The following SP4 variants were observed in gnomAD, a reference collection of about 807,000 sequenced individuals.
SP4 encodes Sp4 transcription factor, also known as transcription factor Sp4.
In SP4, 19 loss-of-function variants were observed where a neutral mutation model predicts 72.8. The ratio of observed to expected loss-of-function variants is 0.26; its 90% confidence interval spans 0.18 to 0.38. SP4 has a LOEUF of 0.38. SP4 is among the 10% of genes least tolerant of loss of function. The pLI is 1.00. For missense variants in SP4, 1,008 were observed against 926.3 expected, an observed-to-expected ratio of 1.09 and a Z score of -1.14; for synonymous variants, 395 against 333.1, an observed-to-expected ratio of 1.19 and a Z score of -2.02.
At chr7:21,499,455 A>G (rs1242510080) in intron 5 of SP4, among the ~76,000 whole-genome samples, 1 of 152,190 alleles carries the variant, frequency 6.6e-6, no homozygotes, top group Non-Finnish European at 1.5e-5. Flanking sequence ...ACAGGGGAAA[A>G]GTCCAGGCAA....
chr7:21,494,497 A>AT (rs1172426802), intron 5 of SP4, among the ~76,000 whole-genome samples: 2 of 152,224 alleles, frequency 1.3e-5, no homozygotes, highest in African/African-American at 4.8e-5. Flanking sequence ...GAATAACGGG[A>AT]TATAAGTAGT....
intron 4 of SP4, among the ~76,000 whole-genome samples, chr7:21,478,477 C>CAT (rs1784581176): frequency 6.7e-6 from 1 of 149,540 alleles, no homozygotes; most frequent in South Asian, 2.2e-4. Context: ...TACCATTTAA[C>CAT]ATTTCCATCA....
intron 3 of SP4, among the ~76,000 whole-genome samples, chr7:21,468,336 C>T (rs368655665): frequency 8.7e-4 from 132 of 152,184 alleles, no homozygotes; most frequent in Middle Eastern, 3.4e-3. Context: ...CATTCACTTC[C>T]TAGAATAATT....
intron 3 of SP4, among the ~76,000 whole-genome samples, chr7:21,455,036 G>A (rs1395150463): frequency 2.0e-5 from 3 of 152,150 alleles, no homozygotes; most frequent in African/African-American, 7.2e-5. Context: ...GCTTTGTACT[G>A]TTGATGGCAA....
intron 5 of SP4, among the ~76,000 whole-genome samples, chr7:21,491,540 T>C (rs1384558502): frequency 1.3e-5 from 2 of 152,136 alleles, no homozygotes; most frequent in East Asian, 1.9e-4. Flanking sequence ...TTAGGTATAA[T>C]AGGTTCAGGA....
At chr7:21,462,974 A>ATTAAAAAC (rs949612332) in intron 3 of SP4, among the ~76,000 whole-genome samples, 35 of 152,352 alleles carry the variant, frequency 2.3e-4, no homozygotes, top group Admixed American at 4.6e-4. Context: ...ATTAATTAAA[A>ATTAAAAAC]TTAAAAACTT....
intron 3 of SP4, among the ~76,000 whole-genome samples, chr7:21,460,095 A>G (rs1176813507): frequency 6.7e-6 from 1 of 149,394 alleles, no homozygotes; most frequent in Non-Finnish European, 1.5e-5. Context: ...TTCTTTGAGA[A>G]AAGGAGAGCC....
chr7:21,434,159 G>C (rs1782969296), intron 3 of SP4, among the ~76,000 whole-genome samples: 1 of 152,008 alleles, frequency 6.6e-6, no homozygotes. Flanking sequence ...TTAATTTGTG[G>C]GGAAAATTTT....
chr7:21,442,590 G>A (rs1783296246), intron 3 of SP4, among the ~76,000 whole-genome samples: 2 of 152,100 alleles, frequency 1.3e-5, no homozygotes. Context: ...TGCTTGTAGG[G>A]TTCTGGGAAT....
rs369579709 is a variant in SP4, at chr7:21,479,074, A to G, written c.1907+1767A>G. The stretch of plus-strand genomic sequence containing the variant: ...AAGAGCGAAACTCCATCTCAAAAAA[A>G]AAAAAAGAAAGAAAAAAGAAAAATA... On this transcript the variant is annotated intron_variant, in intron 4 of 5. Transcript: ENST00000222584. Among the ~76,000 whole-genome samples, 10 of 151,692 alleles carry G rather than the reference A, an allele frequency of 6.6e-5. No individual in the cohort carries two copies. The East Asian group carries it at 1.2e-3, about 18-fold the overall frequency.
In SP4 at chr7:21,430,736, C is replaced by G; in HGVS notation, c.1571C>G (p.Thr524Ser). The change falls in exon 3 of 6, where the codon ACT becomes AGT. Residue 524 changes from threonine (T) to serine (S), a missense_variant. Thr to Ser is a moderately conservative substitution (Grantham distance 58). This residue lies in a region of SP4 where 893 missense variants were observed against 743.3 expected (regional missense o/e 1.20). Coordinates refer to ENST00000222584, the MANE Select transcript of SP4 (RefSeq NM_003112.5). Reference sequence around the variant, plus strand: ...GCTGGTGCCCCAATAACTTTGAATACTGCCCAGCTTGCATCAGTGCCTAAC... The same window carrying G: ...GCTGGTGCCCCAATAACTTTGAATAGTGCCCAGCTTGCATCAGTGCCTAAC... ...AVAGAPITLN[T>S]AQLASVPNLQ... 1 of 1,614,210 alleles carries G rather than the reference C, an allele frequency of 6.2e-7. No individual in the cohort carries two copies. The highest frequency in any genetic ancestry group is 8.5e-7 in the Non-Finnish European group (1 of 1,180,030).
chr7:21,462,531 A>G (rs757448664), intron 3 of SP4, among the ~76,000 whole-genome samples: 11 of 152,220 alleles, frequency 7.2e-5, no homozygotes, highest in Non-Finnish European at 1.2e-4. Context: ...ATATTTGTTA[A>G]TAAGTCTGAG....
intron 3 of SP4, among the ~76,000 whole-genome samples, chr7:21,449,006 A>T (rs765264816): frequency 2.4e-4 from 37 of 152,216 alleles, no homozygotes; most frequent in Middle Eastern, 6.8e-3. Flanking sequence ...CCTAAAGACA[A>T]TTCTCCTGCA....
chr7:21,441,392 C>T (rs1783240942), intron 3 of SP4, among the ~76,000 whole-genome samples: 1 of 152,162 alleles, frequency 6.6e-6, no homozygotes, highest in South Asian at 2.1e-4. Flanking sequence ...TTAGTGGTCT[C>T]ACAGAGTAGC....
chr7:21,508,429 C>T (rs557584037), intron 5 of SP4, among the ~76,000 whole-genome samples: 3 of 152,122 alleles, frequency 2.0e-5, no homozygotes, highest in Admixed American at 6.5e-5. Flanking sequence ...CTGGTTCAAG[C>T]GATTCTCCTG....
At chr7:21,461,383 G>A (rs1367868696) in intron 3 of SP4, among the ~76,000 whole-genome samples, 9 of 152,332 alleles carry the variant, frequency 5.9e-5, no homozygotes, top group East Asian at 5.8e-4. Flanking sequence ...CCTGCCTCGC[G>A]GGGAGGCAGC....
At chr7:21,496,720 A>T (rs1016355361) in intron 5 of SP4, among the ~76,000 whole-genome samples, 10 of 151,828 alleles carry the variant, frequency 6.6e-5, no homozygotes, top group Non-Finnish European at 1.5e-4. Context: ...CCTATTTTTC[A>T]AATATTCTTT....
At position 21,430,789 on chromosome 7, in the gene SP4, G is replaced by T; in HGVS notation, c.1624G>T (p.Gly542Cys). ...NLQTVSVANL[G>C]AAGVQVQGVP... is the part of the protein sequence containing the mutation. ...TCAGACAGTGAGCGTTGCCAACCTG[G>T]GTGCTGCAGGTGTTCAAGTGCAGGG... Residue 542 changes from glycine to cysteine, a missense_variant, in exon 3 of 6, where the codon GGT becomes TGT. Transcript: ENST00000222584. The T allele has an allele frequency of 6.2e-7, 1 of 1,614,078 alleles. No homozygotes were observed. The highest frequency in any genetic ancestry group is 8.5e-7 in the Non-Finnish European group (1 of 1,179,996).
intron 3 of SP4, 142 bp downstream of exon 3, chr7:21,430,985 A>G: frequency 1.6e-6 from 1 of 618,530 alleles, no homozygotes; most frequent in Non-Finnish European, 2.8e-6. Context: ...ATATTATACT[A>G]ACAAACATAG....
Sources: allele counts gnomAD v4.1 joint callset (sites outside exome capture counted in the v4.1 genomes callset), GRCh38; gene constraint gnomAD v4.1.1; regional missense constraint gnomAD v4.1.1; transcripts MANE v1.5; gene names NCBI Gene and HGNC (gene_info 2026-07-23, HGNC 2026-07-21).